Variants in LRRC4C observed in about 807,000 individuals in gnomAD.
The protein encoded by LRRC4C is leucine-rich repeat-containing protein 4C.
A neutral mutation model predicts 33.6 loss-of-function variants in LRRC4C; 5 were observed. The observed-to-expected ratio is 0.15, with a 90% CI of 0.08 to 0.31. LRRC4C has a LOEUF of 0.31. Among genes scored for constraint, LRRC4C ranks in the 10% least tolerant of loss-of-function variants. LRRC4C has a pLI of 1.00. For missense variants in LRRC4C, 560 were observed against 796.7 expected, an observed-to-expected ratio of 0.70 and a Z score of 3.58; for synonymous variants, 329 against 302.0, an observed-to-expected ratio of 1.09 and a Z score of -0.93.
chr11:41,211,128 G>T (rs1946803550), intron 1 of LRRC4C, among the ~76,000 whole-genome samples: 1 of 152,044 alleles, frequency 6.6e-6, no homozygotes, highest in Non-Finnish European at 1.5e-5. Context: ...AGGAGTTGGG[G>T]CCCCCTGGTT....
At chr11:40,878,302 C>T (rs1450281514) in intron 2 of LRRC4C, among the ~76,000 whole-genome samples, 1 of 152,172 alleles carries the variant, frequency 6.6e-6, no homozygotes, top group African/African-American at 2.4e-5. Context: ...CCACTTGCCA[C>T]TCACTGATAG....
chr11:40,382,947 CCTCCCAAAGTA>C, intron 3 of LRRC4C, among the ~76,000 whole-genome samples: 1 of 152,168 alleles, frequency 6.6e-6, no homozygotes. Context: ...CCTGCCTCGG[CCTCCCAAAGTA>C]CTGGGATTAC....
chr11:40,451,601 G>C (rs1333487981), intron 3 of LRRC4C, among the ~76,000 whole-genome samples: 1 of 151,652 alleles, frequency 6.6e-6, no homozygotes, highest in Non-Finnish European at 1.5e-5. Flanking sequence ...TGGCCAGGCT[G>C]GTCTCAAACT....
chr11:40,577,214 A>G (rs1340580263), intron 3 of LRRC4C, among the ~76,000 whole-genome samples: 3 of 152,240 alleles, frequency 2.0e-5, no homozygotes, highest in Non-Finnish European at 4.4e-5. Context: ...TACTTCTAAC[A>G]TAAAGCTAAC....
intron 1 of LRRC4C, among the ~76,000 whole-genome samples, chr11:41,086,043 A>AT (rs759318895): frequency 6.6e-6 from 1 of 151,558 alleles, no homozygotes; most frequent in East Asian, 1.9e-4. Context: ...CAAAAGTCCC[A>AT]TTTTTCTCCA....
intron 2 of LRRC4C, among the ~76,000 whole-genome samples, chr11:40,698,448 AT>A (rs142743249): frequency 1.0e-3 from 156 of 149,028 alleles, no homozygotes; most frequent in African/African-American, 2.1e-3. Context: ...CAATAAGAGC[AT>A]TTTTTTTTTC....
At chr11:41,341,238 C>T (rs542512744) in intron 1 of LRRC4C, among the ~76,000 whole-genome samples, 1 of 152,094 alleles carries the variant, frequency 6.6e-6, no homozygotes, top group African/African-American at 2.4e-5. Context: ...TTAGAATGAC[C>T]TAGTTCTTTG....
intron 3 of LRRC4C, among the ~76,000 whole-genome samples, chr11:40,333,832 T>C (rs2136954656): frequency 1.3e-5 from 2 of 152,200 alleles, no homozygotes; most frequent in Admixed American, 1.3e-4. Context: ...CTTCAATTGA[T>C]TTCCAGTGGT....
intron 1 of LRRC4C, among the ~76,000 whole-genome samples, chr11:41,029,053 CTGTT>C (rs1261978443): frequency 1.3e-5 from 2 of 151,704 alleles, no homozygotes. Flanking sequence ...TAACAATTAG[CTGTT>C]TGTTTTATCC....
Position 41,442,758 on chromosome 11 carries a change from C to T in LRRC4C, c.-496+16673G>A, listed in dbSNP as rs932787059. 1.3e-4 allele frequency among the ~76,000 whole-genome samples: 20 copies of T among 152,024 alleles called. No homozygotes were observed. In the South Asian group the frequency reaches 3.5e-3, roughly 27 times the overall value. Reference sequence around the variant, plus strand: ...TGCTGGGATTACAGGCGTGAGCCACCGCGCCCGGCCTGTTGCTTCTTTCTT... The same window carrying T: ...TGCTGGGATTACAGGCGTGAGCCACTGCGCCCGGCCTGTTGCTTCTTTCTT... On this transcript the variant is annotated intron_variant, in intron 1 of 6. Transcript: ENST00000528697.
intron 1 of LRRC4C, among the ~76,000 whole-genome samples, chr11:41,195,891 T>A (rs1337634054): frequency 6.6e-6 from 1 of 152,100 alleles, no homozygotes; most frequent in Non-Finnish European, 1.5e-5. Flanking sequence ...GCATCAAATC[T>A]AATTTAACAA....
chr11:40,893,885 G>T (rs1955825920), intron 2 of LRRC4C, among the ~76,000 whole-genome samples: 1 of 151,658 alleles, frequency 6.6e-6, no homozygotes, highest in Non-Finnish European at 1.5e-5. Context: ...CTGCCTACTT[G>T]CTTGTATATC....
chr11:40,571,967 T>C (rs1957999930), intron 3 of LRRC4C, among the ~76,000 whole-genome samples: 1 of 152,150 alleles, frequency 6.6e-6, no homozygotes, highest in Admixed American at 6.6e-5. Context: ...CCTCTTAACC[T>C]CTACTATCCA....
intron 5 of LRRC4C, among the ~76,000 whole-genome samples, chr11:40,178,186 A>C (rs1171445539): frequency 2.0e-5 from 3 of 152,184 alleles, no homozygotes; most frequent in African/African-American, 7.2e-5. Context: ...GAAGGGAACA[A>C]AGAGAAATAA....
At chr11:41,052,178 T>C (rs2138142016) in intron 1 of LRRC4C, among the ~76,000 whole-genome samples, 1 of 152,238 alleles carries the variant, frequency 6.6e-6, no homozygotes. Context: ...TTACAATAAT[T>C]AGAAGAGTAT....
At chr11:41,186,271 T>A (rs1013426758) in intron 1 of LRRC4C, among the ~76,000 whole-genome samples, 3 of 152,142 alleles carry the variant, frequency 2.0e-5, no homozygotes, top group Non-Finnish European at 2.9e-5. Context: ...AAATGTAAAT[T>A]ATATATGCCT....
intron 1 of LRRC4C, among the ~76,000 whole-genome samples, chr11:41,389,953 T>C (rs1953524123): frequency 1.3e-5 from 2 of 151,902 alleles, no homozygotes; most frequent in African/African-American, 4.8e-5. Context: ...GAGAGAAACA[T>C]GTCCAAGGAA....
At chr11:40,902,357 A>G (rs1956245338) in intron 2 of LRRC4C, among the ~76,000 whole-genome samples, 1 of 152,102 alleles carries the variant, frequency 6.6e-6, no homozygotes, top group South Asian at 2.1e-4. Context: ...GACAGTTTCA[A>G]TGATGGGCTG....
chr11:40,179,486 G>A lies in LRRC4C; in HGVS notation c.-95-38633C>T, dbSNP rs1318472523. ...GCGACCATTAAATTGAACATCTCTT[G>A]TGCAAAGTAGCTGACCTAGAAGAAA... On this transcript the variant is annotated intron_variant, in intron 5 of 6. Coordinates refer to ENST00000528697, the MANE Select transcript of LRRC4C (RefSeq NM_001258419.2). Among the ~76,000 whole-genome samples the A allele has an allele frequency of 1.1e-4, 17 of 152,108 alleles. No individual in the cohort carries two copies. In the East Asian group the frequency reaches 3.3e-3, roughly 29 times the overall value.
Sources: allele counts gnomAD v4.1 joint callset (sites outside exome capture counted in the v4.1 genomes callset), GRCh38; gene constraint gnomAD v4.1.1; transcripts MANE v1.5; gene names NCBI Gene and HGNC (gene_info 2026-07-23, HGNC 2026-07-21).